ZNF440: variants seen among roughly 807,000 people sequenced by gnomAD.
ZNF440 encodes zinc finger protein 440.
In ZNF440, 47 loss-of-function variants were observed where a neutral mutation model predicts 49.7. That is an observed-to-expected ratio of 0.95 (90% CI 0.75 to 1.21). The LOEUF (loss-of-function observed/expected upper bound fraction) is 1.21. Among genes scored for constraint, ZNF440 ranks in the 50% most tolerant of loss-of-function variants. The pLI is 0.00. For missense variants in ZNF440, 703 were observed against 715.0 expected (o/e 0.98, Z 0.19); for synonymous variants, 255 against 237.7 (o/e 1.07, Z -0.67).
At chr19:11,829,424 C>G (rs1975906004) in intron 1 of ZNF440, among the ~76,000 whole-genome samples, 1 of 151,410 alleles carries the variant, frequency 6.6e-6, no homozygotes. Flanking sequence ...TACATGCTTC[C>G]TCTGACAATA....
rs373809305 is a variant in ZNF440 at position 11,832,887 on chromosome 19, A to G, written c.1711A>G (p.Met571Val). 5.0e-6 allele frequency: 8 copies of G among 1,612,710 alleles called. No homozygotes were observed. Among genetic ancestry groups the G allele is most frequent in the Non-Finnish European group, 6.8e-6 (8 of 1,179,408 alleles). Reference protein sequence around the residue: ...VVGHTMERSPMHVRNVGNPSD... With the variant: ...VVGHTMERSPVHVRNVGNPSD... ...AGGACACACAATGGAGAGAAGCCCT[A>G]TGCATGTAAGGAATGTGGGAAACCC... is the stretch of plus-strand genomic sequence containing the variant. The change falls in exon 4 of 4, where the codon ATG becomes GTG. Residue 571 changes from methionine to valine, a missense_variant. Met to Val is a conservative substitution (Grantham distance 21). Transcript: ENST00000304060.
chr19:11,831,431 C>T lies in ZNF440; in HGVS notation c.255C>T (p.Thr85=). 6.2e-7 allele frequency: 1 copy of T among 1,613,574 alleles called. No individual in the cohort carries two copies. Among genetic ancestry groups the T allele is most frequent in the Non-Finnish European group, 8.5e-7 (1 of 1,179,766 alleles). Residue 85 remains threonine, a synonymous_variant, in exon 4 of 4, where the codon ACC becomes ACT. Coordinates refer to ENST00000304060, the MANE Select transcript of ZNF440 (RefSeq NM_152357.3). Reference sequence around the variant, plus strand: ...ACAGTCATTGTGGAGAAACTTTTACCCCAGTTCCAGATGACAGACTGAACT... The same window carrying T: ...ACAGTCATTGTGGAGAAACTTTTACTCCAGTTCCAGATGACAGACTGAACT... ...KDDSHCGETF[T]PVPDDRLNFQ... is the part of the protein sequence containing the mutation.
In ZNF440 at chr19:11,833,010, G is replaced by C. The variant is rs368705646; in HGVS notation, c.*46G>C. 1,004 of 1,599,474 alleles carry C rather than the reference G, an allele frequency of 6.3e-4. No homozygotes were observed. The highest frequency in any genetic ancestry group is 8.3e-4 in the Middle Eastern group (5 of 6,010). Reference sequence around the variant, plus strand: ...TATAAATGTAAGATATGTGGGAGGGGCTTTTATTCTGCCAAGTCATTTCAA... The same window carrying C: ...TATAAATGTAAGATATGTGGGAGGGCCTTTTATTCTGCCAAGTCATTTCAA... On this transcript the variant is annotated 3_prime_UTR_variant, in exon 4 of 4. Transcript: ENST00000304060.
intron 1 of ZNF440, among the ~76,000 whole-genome samples, chr19:11,821,726 C>G (rs1288147169): frequency 6.6e-6 from 1 of 152,182 alleles, no homozygotes. Context: ...CCAGCACGGC[C>G]CCTCTGTGGG....
At chr19:11,829,399 C>T (rs1975905693) in intron 1 of ZNF440, among the ~76,000 whole-genome samples, 1 of 151,200 alleles carries the variant, frequency 6.6e-6, no homozygotes, top group African/African-American at 2.4e-5. Flanking sequence ...GCTCCCCCTC[C>T]TGCTCTTTGC....
intron 1 of ZNF440, among the ~76,000 whole-genome samples, chr19:11,821,349 T>G (rs1448678044): frequency 5.9e-5 from 9 of 152,164 alleles, no homozygotes; most frequent in Non-Finnish European, 4.4e-5. Flanking sequence ...TAGTATACTC[T>G]GCATCTAGAT....
chr19:11,826,546 A>G (rs1440191183), intron 1 of ZNF440, among the ~76,000 whole-genome samples: 2 of 152,086 alleles, frequency 1.3e-5, no homozygotes, highest in East Asian at 3.9e-4. Context: ...TCACATCCCT[A>G]GTGAAGGAGA....
chr19:11,827,628 C>T (rs1349229762), intron 1 of ZNF440: 1 of 152,190 alleles, frequency 6.6e-6, no homozygotes, highest in Non-Finnish European at 1.5e-5. Flanking sequence ...TTGGTTTTGA[C>T]AAGTGTGAAA....
chr19:11,821,609 T>C (rs549325778), intron 1 of ZNF440, among the ~76,000 whole-genome samples: 1 of 152,020 alleles, frequency 6.6e-6, no homozygotes, highest in Admixed American at 6.5e-5. Flanking sequence ...GCAGTGTTGG[T>C]GGAAAGTAGT....
In ZNF440 at chr19:11,831,613, G is replaced by T. The variant is rs1975940011; in HGVS notation, c.437G>T (p.Cys146Phe). 6.2e-7 allele frequency: 1 copy of T among 1,614,022 alleles called. No homozygotes were observed. Among genetic ancestry groups the T allele is most frequent in the African/African-American group, 1.3e-5 (1 of 74,922 alleles). ...GAATATGGACCAAAGCCATGTAAGT[G>T]TCAACAACCTAAAAAAGCCTTCAGA... ...YQEYGPKPCKCQQPKKAFRYR... is the reference protein window; with the variant it reads ...YQEYGPKPCKFQQPKKAFRYR... Residue 146 changes from cysteine (C) to phenylalanine (F), a missense_variant, in exon 4 of 4, where the codon TGT becomes TTT. Physicochemically the swap from Cys to Phe is radical, Grantham distance 205. Coordinates refer to ENST00000304060, the MANE Select transcript of ZNF440 (RefSeq NM_152357.3).
Position 11,832,439 on chromosome 19 carries a change from G to T in ZNF440, c.1263G>T (p.Glu421Asp). ...LRVHGRTHTG[E>D]KPYECKECGK... ...TGCATGGTAGGACTCACACTGGAGA[G>T]AAACCGTATGAATGTAAGGAATGTG... The change falls in exon 4 of 4, where the codon GAG becomes GAT. Residue 421 changes from glutamate to aspartate, a missense_variant. By Grantham distance (45) the Glu-to-Asp change is conservative. Transcript: ENST00000304060. 1 of 1,613,594 alleles carries T rather than the reference G, an allele frequency of 6.2e-7. No homozygotes were observed. The highest frequency in any genetic ancestry group is 8.5e-7 in the Non-Finnish European group (1 of 1,179,824).
At chr19:11,824,536 C>T (rs186868285) in intron 1 of ZNF440, among the ~76,000 whole-genome samples, 2 of 151,942 alleles carry the variant, frequency 1.3e-5, no homozygotes, top group East Asian at 1.9e-4. Context: ...TATTTTATAT[C>T]GGATTTTATT....
rs1410647615 is a variant in ZNF440, at chr19:11,831,554, A to T, written c.378A>T (p.Arg126Ser). 6.2e-7 allele frequency: 1 copy of T among 1,614,142 alleles called. No individual in the cohort carries two copies. Among genetic ancestry groups the T allele is most frequent in the Admixed American group, 1.7e-5 (1 of 60,012 alleles). ...ACTCATCTTTTAATATGAACATCAG[A>T]GGTGACATTGGACACAAGGCATATG... is the stretch of plus-strand genomic sequence containing the variant. ...LGNSSFNMNI[R>S]GDIGHKAYEY... is the part of the protein sequence containing the mutation. Residue 126 changes from arginine (R) to serine (S), a missense_variant, in exon 4 of 4, where the codon AGA becomes AGT. Arg to Ser is a moderately radical substitution (Grantham distance 110). Transcript: ENST00000304060.
At chr19:11,823,194 G>C (rs1975820331) in intron 1 of ZNF440, among the ~76,000 whole-genome samples, 1 of 152,104 alleles carries the variant, frequency 6.6e-6, no homozygotes, top group African/African-American at 2.4e-5. Context: ...CGGCTCTCCT[G>C]TGTCTTCTCA....
At chr19:11,830,130 G>A in intron 1 of ZNF440, 153 bp from the exon 2 acceptor site, 1 of 1,442,016 alleles carries the variant, frequency 6.9e-7, no homozygotes. Context: ...GTGGAAGAAA[G>A]TAAGTATACA....
At chr19:11,825,095 A>T (rs1426943485) in intron 1 of ZNF440, among the ~76,000 whole-genome samples, 1 of 152,046 alleles carries the variant, frequency 6.6e-6, no homozygotes, top group Admixed American at 6.6e-5. Context: ...AAGCAGCAGG[A>T]CAGCTTGGAC....
intron 1 of ZNF440, among the ~76,000 whole-genome samples, chr19:11,824,706 CTT>C (rs71166634): frequency 6.6e-5 from 8 of 120,518 alleles, no homozygotes; most frequent in Non-Finnish European, 6.8e-5. Flanking sequence ...CCCCACCACC[CTT>C]TTTTTTTTTT....
chr19:11,826,672 T>G, intron 1 of ZNF440, among the ~76,000 whole-genome samples: 1 of 134,686 alleles, frequency 7.4e-6, no homozygotes, highest in East Asian at 2.0e-4. Flanking sequence ...CTTTTTTTTT[T>G]TTTTTTGGAG....
In ZNF440 at chr19:11,830,681, A is replaced by G. The variant is rs765168619; in HGVS notation, c.191+4A>G. ...AAAACCCCAGGAGAAACTTCAGGTAATTTGTACTTACAAGACAAAGCAGTG... is the reference window on the plus strand; with the variant it reads ...AAAACCCCAGGAGAAACTTCAGGTAGTTTGTACTTACAAGACAAAGCAGTG... On this transcript the variant is annotated splice_donor_region_variant and intron_variant, in intron 3 of 3. Coordinates refer to ENST00000304060, the MANE Select transcript of ZNF440 (RefSeq NM_152357.3). The G allele has an allele frequency of 6.2e-7, 1 of 1,613,842 alleles. No individual in the cohort carries two copies. Among genetic ancestry groups the G allele is most frequent in the African/African-American group, 1.3e-5 (1 of 75,032 alleles).
Sources: gnomAD v4.1 joint callset for allele counts (sites outside exome capture counted in the v4.1 genomes callset) on GRCh38, gnomAD v4.1.1 for gene constraint, MANE v1.5 for transcripts, NCBI Gene and HGNC (gene_info 2026-07-23, HGNC 2026-07-21) for gene names.